GPATCH3: variants seen among roughly 807,000 people sequenced by gnomAD.
GPATCH3 encodes G-patch domain containing 3.
In GPATCH3, 45 loss-of-function variants were observed where a neutral mutation model predicts 53.2. That is an observed-to-expected ratio of 0.85 (90% CI 0.67 to 1.08). GPATCH3 has a LOEUF of 1.08. Among genes scored for constraint, GPATCH3 ranks in the 50% least tolerant of loss-of-function variants. The pLI is 0.00. For synonymous variants in GPATCH3, 280 were observed against 270.6 expected (o/e 1.03, Z -0.34); for missense variants, 680 against 687.2 (o/e 0.99, Z 0.12).
chr1:26,899,416 G>A (rs1276798404), intron 1 of GPATCH3, among the ~76,000 whole-genome samples: 1 of 152,216 alleles, frequency 6.6e-6, no homozygotes, highest in Non-Finnish European at 1.5e-5. Flanking sequence ...TGACATCTCT[G>A]TGGCAATAAC....
chr1:26,894,144 G>T, intron 3 of GPATCH3, 92 bp downstream of exon 3: 1 of 1,290,104 alleles, frequency 7.8e-7, no homozygotes, highest in Admixed American at 2.1e-5. Flanking sequence ...TTTTGTTTGG[G>T]CTCACCACTA....
At position 26,891,099 on chromosome 1, in the gene GPATCH3, G is replaced by A; in HGVS notation, c.1489C>T (p.Gln497Ter). 1 of 1,614,202 alleles carries A rather than the reference G, an allele frequency of 6.2e-7. No individual in the cohort carries two copies. The highest frequency in any genetic ancestry group is 8.5e-7 in the Non-Finnish European group (1 of 1,180,036). ...QDQTESLLRRQPPTSMKFRTD... is the reference protein window; with the variant it reads ...QDQTESLLRR Reference sequence around the variant, plus strand: ...CGAAACTTCATGCTGGTGGGTGGCTGGCGGCGGAGCAGTGACTCCGTCTGG... The same window carrying A: ...CGAAACTTCATGCTGGTGGGTGGCTAGCGGCGGAGCAGTGACTCCGTCTGG... Residue 497 changes from glutamine (Q) to a stop codon, truncating the protein, a stop_gained, in exon 7 of 7, where the codon CAG becomes TAG. Coordinates refer to ENST00000361720, the MANE Select transcript of GPATCH3 (RefSeq NM_022078.3). LOFTEE classifies it high-confidence loss of function.
In GPATCH3 at chr1:26,897,698, C is replaced by G; in HGVS notation, c.479G>C (p.Arg160Pro). 1 of 1,613,242 alleles carries G rather than the reference C, an allele frequency of 6.2e-7. No individual in the cohort carries two copies. The highest frequency in any genetic ancestry group is 1.1e-5 in the South Asian group (1 of 91,016). The change falls in exon 2 of 7, where the codon CGG becomes CCG. Residue 160 changes from arginine to proline, a missense_variant. Arg to Pro is a moderately radical substitution (Grantham distance 103). Coordinates refer to ENST00000361720, the MANE Select transcript of GPATCH3 (RefSeq NM_022078.3). ...TGCCTTCCAACTCTGCAGTTCCTTC[C>G]GGGTCTTGAAGGGAAAGGAGCCCAG... The part of the protein sequence containing the change: ...SGLGSFPFKT[R>P]KELQSWKAEN...
Position 26,893,381 on chromosome 1 carries a change from C to CT in GPATCH3, c.1111+7_1111+8insA, listed in dbSNP as rs2081936886. ...TCACCTCCAGTATTGCCACTCCTTG[C>CT]CCAGTACCTCTGTCATAGTACACAC... On this transcript the variant is annotated splice_region_variant and intron_variant, in intron 4 of 6. Coordinates refer to ENST00000361720, the MANE Select transcript of GPATCH3 (RefSeq NM_022078.3). The CT allele has an allele frequency of 6.2e-7, 1 of 1,610,612 alleles. No individual in the cohort carries two copies. The highest frequency in any genetic ancestry group is 8.5e-7 in the Non-Finnish European group (1 of 1,176,812).
In GPATCH3 at chr1:26,894,259, T is replaced by C; in HGVS notation, c.1028A>G (p.Gln343Arg). ...ACCTCCTTCTTCCTCCTGCCAGAAC[T>C]GGGCATCAGTATAAAACACCAGGCC... is the stretch of plus-strand genomic sequence containing the variant. ...GSGLVFYTDA[Q>R]FWQEEEGDFD... is the part of the protein sequence containing the mutation. Residue 343 changes from glutamine (Q) to arginine (R), a missense_variant, in exon 3 of 7, where the codon CAG becomes CGG. Coordinates refer to ENST00000361720, the MANE Select transcript of GPATCH3 (RefSeq NM_022078.3). 1 of 1,614,084 alleles carries C rather than the reference T, an allele frequency of 6.2e-7. No individual in the cohort carries two copies. The highest frequency in any genetic ancestry group is 1.6e-4 in the Middle Eastern group (1 of 6,062).
intron 1 of GPATCH3, among the ~76,000 whole-genome samples, chr1:26,899,086 T>A (rs12022619): frequency 1.3e-5 from 2 of 152,218 alleles, no homozygotes; most frequent in South Asian, 4.1e-4. Context: ...TCCTATTTAT[T>A]TTTCAAGACC....
chr1:26,892,691 G>A lies in GPATCH3; in HGVS notation c.1212C>T (p.Gly404=). 1 of 1,614,196 alleles carries A rather than the reference G, an allele frequency of 6.2e-7. No homozygotes were observed. Among genetic ancestry groups the A allele is most frequent in the Non-Finnish European group, 8.5e-7 (1 of 1,180,020 alleles). ...EDGSVIERQV[G]TFERHTKGIG... ...TCACCTTGGTGTGGCGCTCAAAGGT[G>A]CCCACCTGGCGTTCGATCACAGAGC... Residue 404 remains glycine (G), a synonymous_variant, in exon 5 of 7, where the codon GGC becomes GGT. Coordinates refer to ENST00000361720, the MANE Select transcript of GPATCH3 (RefSeq NM_022078.3).
intron 1 of GPATCH3, 34 bp downstream of exon 1, chr1:26,899,958 C>T: frequency 6.3e-7 from 1 of 1,596,486 alleles, no homozygotes; most frequent in Non-Finnish European, 8.6e-7. Flanking sequence ...GTTCCAGGCC[C>T]GTAGGCCCAG....
rs546731272 is a variant in GPATCH3 at position 26,897,411 on chromosome 1, C to T, written c.766G>A (p.Gly256Ser). 2.5e-6 allele frequency: 4 copies of T among 1,614,172 alleles called. No homozygotes were observed. The African/African-American group carries it at 5.3e-5, about 22-fold the overall frequency. ...EQEELVYTAEGEEIPQGTYLA... is the reference protein window; with the variant it reads ...EQEELVYTAESEEIPQGTYLA... ...TAGGTTCCTTGGGGTATTTCTTCACCCTCTGCTGTATACACAAGCTCTTCC... is the reference window on the plus strand; with the variant it reads ...TAGGTTCCTTGGGGTATTTCTTCACTCTCTGCTGTATACACAAGCTCTTCC... The change falls in exon 2 of 7, where the codon GGT becomes AGT. Residue 256 changes from glycine (G) to serine (S), a missense_variant. Gly to Ser is a moderately conservative substitution (Grantham distance 56). Transcript: ENST00000361720.
chr1:26,898,315 C>CT (rs1159681544), intron 1 of GPATCH3, among the ~76,000 whole-genome samples: 2 of 151,372 alleles, frequency 1.3e-5, no homozygotes, highest in Non-Finnish European at 2.9e-5. Context: ...TCCTGATGAA[C>CT]TTTTTTTTTC....
chr1:26,899,939 G>A (rs1557661848), intron 1 of GPATCH3, 53 bp downstream of exon 1: 12 of 1,521,370 alleles, frequency 7.9e-6, no homozygotes, highest in Non-Finnish European at 1.1e-5. Flanking sequence ...CCTCTGAAAA[G>A]GTGCCTCTGT....
rs2081968256 is a variant in GPATCH3, at chr1:26,900,048, G to C, written c.395C>G (p.Thr132Ser). ...GATGAGACAGCGACCCGGTAGCCAA[G>C]TCCCGTGAGAATCCAGCCACCGGCG... ...SGRRWLDSHG[T>S]WLPGRCLIRR... The change falls in exon 1 of 7, where the codon ACT becomes AGT. Residue 132 changes from threonine (T) to serine (S), a missense_variant. By Grantham distance (58) the Thr-to-Ser change is moderately conservative (BLOSUM62 1). Coordinates refer to ENST00000361720, the MANE Select transcript of GPATCH3 (RefSeq NM_022078.3). 1.2e-6 allele frequency: 2 copies of C among 1,614,182 alleles called. No individual in the cohort carries two copies. The highest frequency in any genetic ancestry group is 2.2e-5 in the South Asian group (2 of 91,086).
chr1:26,898,624 G>T (rs2081960916), intron 1 of GPATCH3, among the ~76,000 whole-genome samples: 1 of 150,648 alleles, frequency 6.6e-6, no homozygotes, highest in Non-Finnish European at 1.5e-5. Flanking sequence ...CATACGATGT[G>T]TTCCAGCCAC....
At position 26,893,458 on chromosome 1, in the gene GPATCH3, C is replaced by A. The variant is rs749056627; in HGVS notation, c.1052-10G>T. The stretch of plus-strand genomic sequence containing the variant: ...GTCTGTTCATCAAAATCTGTAGGGA[C>A]AGAAAAGCATCCAACAGAGTACATT... On this transcript the variant is annotated splice_polypyrimidine_tract_variant and intron_variant, in intron 3 of 6. Transcript: ENST00000361720. 17 of 1,570,460 alleles carry A rather than the reference C, an allele frequency of 1.1e-5. No individual in the cohort carries two copies. Among genetic ancestry groups the A allele is most frequent in the Non-Finnish European group, 1.5e-5 (17 of 1,151,814 alleles).
At chr1:26,893,268 TG>T in intron 4 of GPATCH3, 120 bp downstream of exon 4, 2 of 812,118 alleles carry the variant, frequency 2.5e-6, no homozygotes, top group Non-Finnish European at 4.4e-6. Flanking sequence ...ACCCTCTCAG[TG>T]GGCTACCCCA....
Position 26,894,347 on chromosome 1 carries a change from C to T in GPATCH3, c.940G>A (p.Glu314Lys). 2 of 1,614,116 alleles carry T rather than the reference C, an allele frequency of 1.2e-6. No individual in the cohort carries two copies. Among genetic ancestry groups the T allele is most frequent in the Non-Finnish European group, 1.7e-6 (2 of 1,180,020 alleles). ...EALHEDVTGQ[E>K]RTTEQLFEEE... ...TCAAAGAGCTGCTCAGTGGTCCGCTCCTGCCCGGTCACGTCCTCATGCAGC... is the reference window on the plus strand; with the variant it reads ...TCAAAGAGCTGCTCAGTGGTCCGCTTCTGCCCGGTCACGTCCTCATGCAGC... Residue 314 changes from glutamate (E) to lysine (K), a missense_variant, in exon 3 of 7, where the codon GAG (glutamate) becomes AAG (lysine). Glu to Lys is a moderately conservative substitution (Grantham distance 56). Transcript: ENST00000361720.
At chr1:26,891,418 T>G (rs2081925056) in intron 6 of GPATCH3, among the ~76,000 whole-genome samples, 192 bp from the exon 7 acceptor site, 1 of 152,054 alleles carries the variant, frequency 6.6e-6, no homozygotes, top group Non-Finnish European at 1.5e-5. Flanking sequence ...ATATAAAATT[T>G]TCATTCTGTC....
At chr1:26,891,247 A>G in intron 6 of GPATCH3, 21 bp from the exon 7 acceptor site, 5 of 1,590,540 alleles carry the variant, frequency 3.1e-6, no homozygotes, top group Non-Finnish European at 4.3e-6. Context: ...ACGGGCTCTC[A>G]GTGAGAAGGC....
chr1:26,896,536 A>AT (rs2081951558), intron 2 of GPATCH3, among the ~76,000 whole-genome samples: 3 of 146,778 alleles, frequency 2.0e-5, no homozygotes, highest in Admixed American at 1.4e-4. Flanking sequence ...CTAAAAATAA[A>AT]AAAAAAAAAA....
Sources: gnomAD v4.1 joint callset for allele counts (sites outside exome capture counted in the v4.1 genomes callset) on GRCh38, gnomAD v4.1.1 for gene constraint, MANE v1.5 for transcripts, NCBI Gene and HGNC (gene_info 2026-07-23, HGNC 2026-07-21) for gene names.